The following RIT2 variants were observed in gnomAD, a reference collection of about 807,000 sequenced individuals.
RIT2 encodes the protein Ras like without CAAX 2.
RIT2 carries 24 observed loss-of-function variants against 23.7 expected under a neutral mutation model. The observed-to-expected ratio is 1.01, with a 90% CI of 0.73 to 1.43. The LOEUF (loss-of-function observed/expected upper bound fraction) is 1.43, where lower values mean the gene tolerates loss of function less well. RIT2 is among the 40% of genes most tolerant of loss of function. The pLI is 0.00. For missense variants in RIT2, 236 were observed against 266.9 expected (o/e 0.88, Z 0.81); for synonymous variants, 107 against 91.1 (o/e 1.17, Z -0.99).
Position 43,066,460 on chromosome 18 carries a change from G to A in RIT2, c.104-32593C>T, listed in dbSNP as rs150997118. 6.2e-3 allele frequency among the ~76,000 whole-genome samples: 951 copies of A among 152,224 alleles called. 9 individuals carry two copies. Among genetic ancestry groups the A allele is most frequent in the Non-Finnish European group, 9.6e-3 (656 of 68,004 alleles). Reference sequence around the variant, plus strand: ...GTACTTACAGAATAAATATTTCAGAGGATTTCATCTTAAGAGACAATTGGG... The same window carrying A: ...GTACTTACAGAATAAATATTTCAGAAGATTTCATCTTAAGAGACAATTGGG... On this transcript the variant is annotated intron_variant, in intron 1 of 4. Coordinates refer to ENST00000326695, the MANE Select transcript of RIT2 (RefSeq NM_002930.4).
intron 4 of RIT2, among the ~76,000 whole-genome samples, chr18:42,822,037 G>A: frequency 6.6e-6 from 1 of 152,116 alleles, no homozygotes; most frequent in Non-Finnish European, 1.5e-5. Context: ...GTCTGGATGT[G>A]TATGCCCTCC....
chr18:42,854,735 T>C (rs1447190756), intron 4 of RIT2, among the ~76,000 whole-genome samples: 1 of 152,214 alleles, frequency 6.6e-6, no homozygotes, highest in African/African-American at 2.4e-5. Flanking sequence ...ATAATTAAAA[T>C]AGCTTTATAT....
At chr18:42,993,091 C>T (rs532413241) in intron 2 of RIT2, among the ~76,000 whole-genome samples, 37 of 152,310 alleles carry the variant, frequency 2.4e-4, no homozygotes, top group African/African-American at 7.7e-4. Context: ...AACTTCCAAA[C>T]GCCTGAACCG....
chr18:42,886,065 T>C (rs994524077), intron 4 of RIT2, among the ~76,000 whole-genome samples: 9 of 152,196 alleles, frequency 5.9e-5, no homozygotes, highest in African/African-American at 2.2e-4. Flanking sequence ...TTCTTCTCAA[T>C]TTTTTCCTTT....
At chr18:43,046,840 A>G (rs998657215) in intron 1 of RIT2, among the ~76,000 whole-genome samples, 1 of 152,196 alleles carries the variant, frequency 6.6e-6, no homozygotes, top group African/African-American at 2.4e-5. Flanking sequence ...CTATGCATCC[A>G]TGGATAATTT....
chr18:42,852,864 T>C (rs1182534294), intron 4 of RIT2, among the ~76,000 whole-genome samples: 1 of 144,974 alleles, frequency 6.9e-6, no homozygotes, highest in Non-Finnish European at 1.5e-5. Context: ...GACAGAGCCT[T>C]TCTCTGTCTC....
chr18:42,861,070 C>T (rs901328064), intron 4 of RIT2, among the ~76,000 whole-genome samples: 2 of 152,120 alleles, frequency 1.3e-5, no homozygotes, highest in Non-Finnish European at 2.9e-5. Flanking sequence ...TGATCTTTCT[C>T]ATAAGATTTA....
intron 1 of RIT2, among the ~76,000 whole-genome samples, chr18:43,058,058 T>C (rs1912551124): frequency 6.6e-6 from 1 of 152,114 alleles, no homozygotes; most frequent in East Asian, 1.9e-4. Flanking sequence ...ATCTCTAAAT[T>C]AAAGTGGTAA....
chr18:43,049,636 T>A (rs1020906444), intron 1 of RIT2, among the ~76,000 whole-genome samples: 1 of 152,148 alleles, frequency 6.6e-6, no homozygotes, highest in Non-Finnish European at 1.5e-5. Context: ...CACTCTAACC[T>A]TGGGGAGAAT....
At chr18:42,903,650 C>G (rs189993529) in intron 4 of RIT2, among the ~76,000 whole-genome samples, 1 of 152,168 alleles carries the variant, frequency 6.6e-6, no homozygotes, top group East Asian at 1.9e-4. Flanking sequence ...CCCAATCCAT[C>G]CCCACAAAAA....
intron 4 of RIT2, among the ~76,000 whole-genome samples, chr18:42,775,217 A>G (rs1258709518): frequency 6.6e-6 from 1 of 152,290 alleles, no homozygotes; most frequent in African/African-American, 2.4e-5. Context: ...AAGAGCTGCC[A>G]TCTTTAATAA....
intron 4 of RIT2, among the ~76,000 whole-genome samples, chr18:42,778,199 C>A (rs1598650043): frequency 6.6e-6 from 1 of 152,272 alleles, no homozygotes; most frequent in East Asian, 1.9e-4. Flanking sequence ...CTGGACTGCT[C>A]CCTTCTGCAA....
chr18:42,868,001 C>CA, intron 4 of RIT2, among the ~76,000 whole-genome samples: 1 of 152,282 alleles, frequency 6.6e-6, no homozygotes, highest in South Asian at 2.1e-4. Context: ...TGCCTTACTT[C>CA]AAGGAGTATT....
chr18:42,928,755 C>T (rs944266263), intron 3 of RIT2, among the ~76,000 whole-genome samples: 7 of 151,636 alleles, frequency 4.6e-5, no homozygotes, highest in African/African-American at 1.7e-4. Flanking sequence ...TAAATGAAAA[C>T]GAACAAAGCT....
At chr18:42,913,197 C>CTAA (rs1568028683) in intron 4 of RIT2, among the ~76,000 whole-genome samples, 2 of 103,330 alleles carry the variant, frequency 1.9e-5, no homozygotes, top group African/African-American at 6.4e-5. Flanking sequence ...ATCCATCAGC[C>CTAA]AAAAAAAAAA....
At position 43,064,717 on chromosome 18, in the gene RIT2, A is replaced by G. The variant is rs149561535; in HGVS notation, c.104-30850T>C. 2.5e-3 allele frequency among the ~76,000 whole-genome samples: 382 copies of G among 152,318 alleles called. 1 individual carries two copies. Among genetic ancestry groups the G allele is most frequent in the Non-Finnish European group, 4.8e-3 (325 of 68,030 alleles). On this transcript the variant is annotated intron_variant, in intron 1 of 4. Transcript: ENST00000326695. ...AAATAAATCACAATTAGAGCATCAA[A>G]TTCTCATTCTAAATAAGGTGACTGG... is the stretch of plus-strand genomic sequence containing the variant.
intron 4 of RIT2, among the ~76,000 whole-genome samples, chr18:42,752,634 G>A (rs1227608664): frequency 6.6e-6 from 1 of 152,050 alleles, no homozygotes; most frequent in Non-Finnish European, 1.5e-5. Flanking sequence ...TTAGTTGATT[G>A]TTCTGATGTG....
intron 3 of RIT2, among the ~76,000 whole-genome samples, chr18:42,972,699 T>C (rs1910390016): frequency 6.6e-6 from 1 of 151,800 alleles, no homozygotes; most frequent in Non-Finnish European, 1.5e-5. Flanking sequence ...TTTACCACAT[T>C]CTAAGCCACA....
intron 4 of RIT2, among the ~76,000 whole-genome samples, chr18:42,762,935 A>C (rs1210003077): frequency 6.6e-6 from 1 of 152,228 alleles, no homozygotes; most frequent in African/African-American, 2.4e-5. Context: ...ATGGGGATAC[A>C]TTCATAAGAG....
Sources: allele counts gnomAD v4.1 joint callset (sites outside exome capture counted in the v4.1 genomes callset), GRCh38; gene constraint gnomAD v4.1.1; transcripts MANE v1.5; gene names NCBI Gene and HGNC (gene_info 2026-07-23, HGNC 2026-07-21).